CNTN1: variants seen among roughly 807,000 people sequenced by gnomAD.
The protein encoded by CNTN1 is contactin-1.
A neutral mutation model predicts 126.4 loss-of-function variants in CNTN1; 38 were observed. That is an observed-to-expected ratio of 0.30 (90% confidence interval 0.23 to 0.39). The LOEUF is 0.39. Ranked by LOEUF, CNTN1 falls within the 10% of genes least tolerant of loss-of-function variation. The probability of loss-of-function intolerance (pLI) is 1.00; values close to 1 mark genes in which losing one functional copy is unlikely to be tolerated. For missense variants in CNTN1, 1,009 were observed against 1,248.4 expected (o/e 0.81, Z 2.89); for synonymous variants, 413 against 422.6 (o/e 0.98, Z 0.28).
rs770173257 is a variant in CNTN1, at chr12:40,959,161, T to G, written c.1731T>G (p.His577Gln). The G allele has an allele frequency of 6.2e-7, 1 of 1,612,792 alleles. No individual in the cohort carries two copies. The highest frequency in any genetic ancestry group is 8.5e-7 in the Non-Finnish European group (1 of 1,179,176). ...TAATCCGAAATGCGCAGCTGAAACA[T>G]GCTGGAAGATACACATGCACTGCCC... ...ELLIRNAQLK[H>Q]AGRYTCTAQT... is the part of the protein sequence containing the mutation. The change falls in exon 15 of 24, where the codon CAT (histidine) becomes CAG (glutamine). Residue 577 changes from histidine (H) to glutamine (Q), a missense_variant. Transcript: ENST00000551295.
chr12:40,830,411 A>G (rs1592133893), intron 1 of CNTN1, among the ~76,000 whole-genome samples: 5 of 140,974 alleles, frequency 3.5e-5, no homozygotes, highest in African/African-American at 1.2e-4. Context: ...ATGGAGACTG[A>G]ATATATTACA....
intron 17 of CNTN1, among the ~76,000 whole-genome samples, chr12:41,013,367 C>A (rs183025947): frequency 6.6e-6 from 1 of 152,146 alleles, no homozygotes; most frequent in Non-Finnish European, 1.5e-5. Context: ...TGCAGCTCGA[C>A]TTTACAGGCT....
At chr12:40,860,381 A>G (rs1943074386) in intron 1 of CNTN1, among the ~76,000 whole-genome samples, 1 of 152,150 alleles carries the variant, frequency 6.6e-6, no homozygotes. Context: ...CTGGGTGTTC[A>G]ACAATTCAAT....
intron 17 of CNTN1, among the ~76,000 whole-genome samples, chr12:41,004,642 T>C (rs1948446388): frequency 6.6e-6 from 1 of 152,196 alleles, no homozygotes; most frequent in Admixed American, 6.5e-5. Flanking sequence ...TACATATTTA[T>C]TATAGTTAGA....
At chr12:40,998,689 A>T (rs920544494) in intron 17 of CNTN1, among the ~76,000 whole-genome samples, 2 of 152,100 alleles carry the variant, frequency 1.3e-5, no homozygotes, top group East Asian at 3.8e-4. Flanking sequence ...AAGTGCTTAA[A>T]GTATAATAAA....
intron 1 of CNTN1, among the ~76,000 whole-genome samples, chr12:40,813,034 CTTTCCTTT>C (rs1233886391): frequency 1.1e-5 from 1 of 91,244 alleles, no homozygotes; most frequent in Non-Finnish European, 2.2e-5. Flanking sequence ...CTTTCTCTTT[CTTTCCTTT>C]CTTTCTTTCT....
intron 17 of CNTN1, among the ~76,000 whole-genome samples, chr12:41,011,058 A>C (rs1247189748): frequency 1.3e-5 from 2 of 152,300 alleles, no homozygotes; most frequent in East Asian, 3.9e-4. Flanking sequence ...GCAGCAAAAC[A>C]TCTCTCCGTG....
intron 1 of CNTN1, among the ~76,000 whole-genome samples, chr12:40,736,449 G>C (rs559813815): frequency 4.9e-4 from 74 of 152,020 alleles, no homozygotes; most frequent in Non-Finnish European, 2.2e-4. Flanking sequence ...GAAAGAAATC[G>C]CTAACATATT....
chr12:40,980,074 C>T (rs146222788), intron 15 of CNTN1, among the ~76,000 whole-genome samples: 2 of 152,166 alleles, frequency 1.3e-5, no homozygotes, highest in African/African-American at 2.4e-5. Flanking sequence ...CAAAATGATA[C>T]ATGAAATTAT....
chr12:41,041,544 C>A lies in CNTN1; in HGVS notation c.2980+12325C>A, dbSNP rs185463485. On this transcript the variant is annotated intron_variant, in intron 23 of 23. Transcript: ENST00000551295. ...AATTTGGCTGTGAATCCATCTGGTCCTGGACTCTTTTTGGTTGGTAAACTA... is the reference window on the plus strand; with the variant it reads ...AATTTGGCTGTGAATCCATCTGGTCATGGACTCTTTTTGGTTGGTAAACTA... 7.6e-3 allele frequency among the ~76,000 whole-genome samples: 1,164 copies of A among 152,212 alleles called. 11 individuals carry two copies. The highest frequency in any genetic ancestry group is 0.027 in the African/African-American group (1,116 of 41,518).
intron 1 of CNTN1, among the ~76,000 whole-genome samples, chr12:40,811,654 A>G (rs1200492350): frequency 6.6e-6 from 1 of 151,810 alleles, no homozygotes; most frequent in Non-Finnish European, 1.5e-5. Flanking sequence ...CTAGGAATTT[A>G]TTGATTTCTT....
At chr12:40,863,112 G>A (rs116939432) in intron 1 of CNTN1, among the ~76,000 whole-genome samples, 3,239 of 152,092 alleles carry the variant, frequency 0.021, 52 homozygotes, top group Middle Eastern at 0.048. Context: ...TTGGGTTCAG[G>A]GACCTTGATA....
At chr12:40,957,242 A>C (rs1162076709) in intron 14 of CNTN1, among the ~76,000 whole-genome samples, 1 of 151,952 alleles carries the variant, frequency 6.6e-6, no homozygotes, top group Non-Finnish European at 1.5e-5. Context: ...TAATATGAGA[A>C]AATAAGAATT....
intron 21 of CNTN1, among the ~76,000 whole-genome samples, chr12:41,027,498 A>T (rs909379294): frequency 1.3e-5 from 2 of 152,210 alleles, no homozygotes; most frequent in African/African-American, 2.4e-5. Flanking sequence ...ATTCTGTGAA[A>T]TGCTCCAAAA....
chr12:40,966,348 A>G (rs1037969620), intron 15 of CNTN1, among the ~76,000 whole-genome samples: 9 of 152,062 alleles, frequency 5.9e-5, no homozygotes, highest in Non-Finnish European at 1.2e-4. Context: ...ATTCTGAGCC[A>G]TCCTGACCCC....
At chr12:40,838,977 A>C (rs889059815) in intron 1 of CNTN1, among the ~76,000 whole-genome samples, 3 of 148,762 alleles carry the variant, frequency 2.0e-5, no homozygotes, top group Admixed American at 1.3e-4. Flanking sequence ...TTTTTCAAAC[A>C]CTCAGTGAAA....
chr12:40,922,307 G>T lies in CNTN1; in HGVS notation c.279G>T (p.Met93Ile). Residue 93 changes from methionine to isoleucine, a missense_variant, in exon 5 of 24, where the codon ATG becomes ATT. Met to Ile is a conservative substitution (Grantham distance 10). Coordinates refer to ENST00000551295, the MANE Select transcript of CNTN1 (RefSeq NM_001843.4). ...ATCTCACAAGTGATCGATACAGTAT[G>T]GTAGGAGGAAACCTTGTTATCAACA... is the stretch of plus-strand genomic sequence containing the variant. The part of the protein sequence containing the change: ...DVDLTSDRYS[M>I]VGGNLVINNP... 1 of 1,613,960 alleles carries T rather than the reference G, an allele frequency of 6.2e-7. No individual in the cohort carries two copies. The highest frequency in any genetic ancestry group is 1.1e-5 in the South Asian group (1 of 91,076).
chr12:41,051,433 G>C (rs533280223), intron 23 of CNTN1, among the ~76,000 whole-genome samples: 1 of 151,842 alleles, frequency 6.6e-6, no homozygotes, highest in Non-Finnish European at 1.5e-5. Flanking sequence ...TTACAGGTGT[G>C]AGCCACCGCA....
chr12:40,749,864 G>GTCTA (rs1278785723), intron 1 of CNTN1, among the ~76,000 whole-genome samples: 4 of 151,474 alleles, frequency 2.6e-5, no homozygotes. Context: ...AAGAGTTGGA[G>GTCTA]TCTAGGGTGT....
Sources: gnomAD v4.1 joint callset for allele counts (sites outside exome capture counted in the v4.1 genomes callset) on GRCh38, gnomAD v4.1.1 for gene constraint, MANE v1.5 for transcripts, NCBI Gene and HGNC (gene_info 2026-07-23, HGNC 2026-07-21) for gene names.